PDE12: variants seen among roughly 807,000 people sequenced by gnomAD.
PDE12 encodes the protein phosphodiesterase 12, also known as 2',5'-phosphodiesterase 12.
PDE12 carries 26 observed loss-of-function variants against 45.4 expected under a neutral mutation model. That is an observed-to-expected ratio of 0.57 (90% CI 0.42 to 0.79). The LOEUF is 0.79. PDE12 is among the 30% of genes least tolerant of loss of function. The probability of loss-of-function intolerance (pLI) is 0.00; values close to 1 mark genes in which losing one functional copy is unlikely to be tolerated. For synonymous variants in PDE12, 283 were observed against 323.9 expected, an observed-to-expected ratio of 0.87 and a Z score of 1.36; for missense variants, 668 against 790.0, an observed-to-expected ratio of 0.85 and a Z score of 1.85.
At position 57,561,985 on chromosome 3, in the gene PDE12, G is replaced by A. The variant is rs2069733352; in HGVS notation, c.*1981G>A. On this transcript the variant is annotated 3_prime_UTR_variant, in exon 3 of 3. Transcript: ENST00000311180. ...GTGCCTTCCTAAATAACATTTTTGA[G>A]AGCATTTTAACAGCAGTTTACAAAT... 5 of 984,274 alleles carry A rather than the reference G, an allele frequency of 5.1e-6. No homozygotes were observed. Among genetic ancestry groups the A allele is most frequent in the Non-Finnish European group, 6.0e-6 (5 of 828,966 alleles). The allele number at this position is 984,274 out of a possible 1,614,324, so 61.0% of individuals were successfully genotyped here. A position where few individuals can be genotyped will look rare whatever the true frequency, so the allele number is the denominator to read the frequency against.
At chr3:57,631,476 G>T in the PDE12 span, among the ~76,000 whole-genome samples, 1 of 151,906 alleles carries the variant, frequency 6.6e-6, no homozygotes, top group Non-Finnish European at 1.5e-5. Flanking sequence ...TTACAGGCGT[G>T]AACTACCGCG....
the PDE12 span, among the ~76,000 whole-genome samples, chr3:57,643,685 G>T: frequency 1.3e-5 from 2 of 151,918 alleles, no homozygotes; most frequent in African/African-American, 2.4e-5. Flanking sequence ...AAATTAGCTG[G>T]GTGTGGTGGT....
chr3:57,610,480 A>G, the PDE12 span, among the ~76,000 whole-genome samples: 1 of 151,988 alleles, frequency 6.6e-6, no homozygotes, highest in South Asian at 2.1e-4. Context: ...GTATATTTAG[A>G]AAACCCCATC....
the PDE12 span, among the ~76,000 whole-genome samples, chr3:57,582,375 T>G: frequency 1.3e-5 from 2 of 151,926 alleles, no homozygotes; most frequent in Non-Finnish European, 2.9e-5. Flanking sequence ...CCTGAGTAGC[T>G]GGGATCACAG....
the PDE12 span, chr3:57,572,321 T>C: frequency 1.9e-6 from 3 of 1,566,086 alleles, no homozygotes; most frequent in Non-Finnish European, 8.8e-7. Flanking sequence ...GACAAGAAAA[T>C]ACTTGATTAA....
the PDE12 span, among the ~76,000 whole-genome samples, chr3:57,644,208 G>A: frequency 2.0e-5 from 3 of 151,332 alleles, no homozygotes; most frequent in Non-Finnish European, 2.9e-5. Context: ...AATACCTAGC[G>A]AACACCAACA....
At chr3:57,595,662 C>T in the PDE12 span, among the ~76,000 whole-genome samples, 1 of 152,072 alleles carries the variant, frequency 6.6e-6, no homozygotes, top group Non-Finnish European at 1.5e-5. Flanking sequence ...TAAAATAAAA[C>T]CTCCGGCCGG....
At chr3:57,617,762 A>G in the PDE12 span, among the ~76,000 whole-genome samples, 2 of 151,500 alleles carry the variant, frequency 1.3e-5, no homozygotes, top group African/African-American at 4.9e-5. Context: ...AGCTACCAGG[A>G]AGGCTGAGGT....
chr3:57,633,889 C>T, the PDE12 span, among the ~76,000 whole-genome samples: 2 of 148,312 alleles, frequency 1.3e-5, no homozygotes, highest in African/African-American at 5.0e-5. Flanking sequence ...GAAACTCCAT[C>T]TCAAAAAAAA....
chr3:57,635,026 C>T, the PDE12 span, among the ~76,000 whole-genome samples: 6 of 152,068 alleles, frequency 3.9e-5, no homozygotes, highest in Non-Finnish European at 7.4e-5. Flanking sequence ...TAATATCTAT[C>T]ATTACTTAAA....
the PDE12 span, among the ~76,000 whole-genome samples, chr3:57,640,755 C>T: frequency 8.5e-5 from 13 of 152,086 alleles, no homozygotes; most frequent in Admixed American, 7.2e-4. Context: ...TAAATTACTA[C>T]GCCCAAACCA....
chr3:57,595,302 G>A, the PDE12 span, among the ~76,000 whole-genome samples: 1 of 152,120 alleles, frequency 6.6e-6, no homozygotes, highest in Non-Finnish European at 1.5e-5. Flanking sequence ...ATGTGTTCTG[G>A]AACATAACCA....
At position 57,556,977 on chromosome 3, in the gene PDE12, G is replaced by A. The variant is rs753112140; in HGVS notation, c.598G>A (p.Glu200Lys). The change falls in exon 1 of 3, where the codon GAA becomes AAA. Residue 200 changes from glutamate to lysine, a missense_variant. Transcript: ENST00000311180. The surrounding 1 kb of genome is among the most constrained non-coding windows in gnomAD (Gnocchi z 5.0). ...PASSLFRWYK[E>K]AKPGAAEPEV... is the part of the protein sequence containing the mutation. ...CAGCTCCCTTTTCCGCTGGTATAAG[G>A]AAGCCAAGCCCGGAGCGGCGGAGCC... The A allele has an allele frequency of 1.2e-6, 2 of 1,614,184 alleles. No homozygotes were observed. The highest frequency in any genetic ancestry group is 2.2e-5 in the East Asian group (1 of 44,868).
chr3:57,556,506 G>T lies in PDE12; in HGVS notation c.127G>T (p.Val43Leu). Residue 43 changes from valine (V) to leucine (L), a missense_variant, in exon 1 of 3, where the codon GTA becomes TTA. Around this residue, in one of 3 missense-constraint regions of PDE12, gnomAD observed 580 missense variants for 662.9 expected, o/e 0.87. Transcript: ENST00000311180. The surrounding 1 kb of genome is among the most constrained non-coding windows in gnomAD (Gnocchi z 5.0). The part of the protein sequence containing the change: ...GAMERAVVRC[V>L]PSEPKLSLSF... ...GATGGAGCGCGCTGTAGTGCGCTGC[G>T]TACCTTCGGAACCCAAGCTGAGCCT... The T allele has an allele frequency of 4.3e-6, 7 of 1,613,414 alleles. No homozygotes were observed. The highest frequency in any genetic ancestry group is 5.9e-6 in the Non-Finnish European group (7 of 1,179,950).
chr3:57,594,510 GTGT>G, the PDE12 span, among the ~76,000 whole-genome samples: 1 of 152,196 alleles, frequency 6.6e-6, no homozygotes, highest in Admixed American at 6.5e-5. Context: ...TTGATACACT[GTGT>G]TGGTTTTTTA....
the PDE12 span, chr3:57,634,900 A>G: frequency 5.8e-6 from 4 of 688,800 alleles, no homozygotes; most frequent in African/African-American, 5.4e-5. Flanking sequence ...ACATCTATTA[A>G]TATGTTAAGG....
In PDE12 at chr3:57,562,694, AAG is replaced by A. The variant is rs1366381885; in HGVS notation, c.*2693_*2694del. On this transcript the variant is annotated 3_prime_UTR_variant, in exon 3 of 3. Coordinates refer to ENST00000311180, the MANE Select transcript of PDE12 (RefSeq NM_177966.7). The stretch of plus-strand genomic sequence containing the variant: ...TTCTAGAATTTTATATTGATTATAA[AAG>A]AGTATTTCAGAACATATTATTCTGT... The A allele has an allele frequency of 2.0e-5, 3 of 152,242 alleles. No individual in the cohort carries two copies. The highest frequency in any genetic ancestry group is 1.9e-4 in the East Asian group (1 of 5,206). 9.4% of individuals were successfully genotyped at this position (152,242 alleles called of 1,614,324 possible). A position where few individuals can be genotyped will look rare whatever the true frequency, so the allele number is the denominator to read the frequency against.
At chr3:57,597,300 A>C in the PDE12 span, 1 of 655,150 alleles carries the variant, frequency 1.5e-6, no homozygotes, top group Non-Finnish European at 2.6e-6. Flanking sequence ...GTGCCGATGA[A>C]GATCCGGCAC....
chr3:57,624,485 G>A, the PDE12 span, among the ~76,000 whole-genome samples: 3 of 152,102 alleles, frequency 2.0e-5, no homozygotes, highest in African/African-American at 4.8e-5. Flanking sequence ...TAGAGATGGG[G>A]TCTCAGGTGC....
Sources: gnomAD v4.1 joint callset for allele counts (sites outside exome capture counted in the v4.1 genomes callset) on GRCh38, gnomAD v4.1.1 for gene constraint, gnomAD v4.1.1 regional missense constraint, Gnocchi (gnomAD v3.1) non-coding constraint, MANE v1.5 for transcripts, NCBI Gene and HGNC (gene_info 2026-07-23, HGNC 2026-07-21) for gene names.